Variants in AOPEP observed in about 807,000 individuals in gnomAD.
The protein encoded by AOPEP is aminopeptidase O (putative).
A neutral mutation model predicts 98.1 loss-of-function variants in AOPEP; 77 were observed. The ratio of observed to expected loss-of-function variants is 0.78; its 90% CI spans 0.65 to 0.95. AOPEP has a LOEUF of 0.95. Ranked by LOEUF, AOPEP falls within the 40% of genes least tolerant of loss-of-function variation. AOPEP has a pLI of 0.00. For synonymous variants in AOPEP, 346 were observed against 365.3 expected, an observed-to-expected ratio of 0.95 and a Z score of 0.60; for missense variants, 1,024 against 1,024.7, an observed-to-expected ratio of 1.00 and a Z score of 0.01.
chr9:94,963,376 T>C (rs1252432932), intron 9 of AOPEP, among the ~76,000 whole-genome samples: 1 of 152,162 alleles, frequency 6.6e-6, no homozygotes, highest in African/African-American at 2.4e-5. Flanking sequence ...TGTTAGTTTT[T>C]CAAAAATGTG....
intron 9 of AOPEP, among the ~76,000 whole-genome samples, chr9:94,965,950 AG>A (rs2059169193): frequency 3.3e-5 from 5 of 149,504 alleles, no homozygotes; most frequent in African/African-American, 1.2e-4. Flanking sequence ...TCCTGTGTAG[AG>A]TCTGTATTTG....
chr9:95,112,069 G>T, the AOPEP span, among the ~76,000 whole-genome samples: 1 of 152,218 alleles, frequency 6.6e-6, no homozygotes, highest in Non-Finnish European at 1.5e-5. Flanking sequence ...AGTTCAGGTG[G>T]ATATTTCAGC....
At chr9:95,044,303 G>C (rs2065631508) in intron 13 of AOPEP, among the ~76,000 whole-genome samples, 2 of 151,704 alleles carry the variant, frequency 1.3e-5, no homozygotes, top group Admixed American at 1.3e-4. Flanking sequence ...AAGAATCACT[G>C]CTAATGGGCA....
intron 14 of AOPEP, among the ~76,000 whole-genome samples, chr9:95,080,231 T>C (rs2069584640): frequency 6.6e-6 from 1 of 152,264 alleles, no homozygotes; most frequent in Admixed American, 6.5e-5. Context: ...GTGGTTTCTT[T>C]CTTTAAAAAG....
Position 94,988,387 on chromosome 9 carries a change from G to A in AOPEP, c.1977+8960G>A, listed in dbSNP as rs149225115. The stretch of plus-strand genomic sequence containing the variant: ...GTACATTTTTTCAGTGAGCACAGAG[G>A]AAGGCATATGAGGATGGCTTTCTCA... On this transcript the variant is annotated intron_variant, in intron 11 of 16. Transcript: ENST00000375315. Among the ~76,000 whole-genome samples, 10 of 152,270 alleles carry A rather than the reference G, an allele frequency of 6.6e-5. No homozygotes were observed. The East Asian group carries it at 1.9e-3, about 29-fold the overall frequency.
intron 7 of AOPEP, among the ~76,000 whole-genome samples, chr9:94,952,139 T>G (rs1239814837): frequency 6.6e-6 from 1 of 152,232 alleles, no homozygotes; most frequent in Non-Finnish European, 1.5e-5. Flanking sequence ...TTTGCATTGG[T>G]CCTCAGGTGC....
At chr9:94,752,268 T>A (rs2132251380) in intron 1 of AOPEP, among the ~76,000 whole-genome samples, 1 of 152,164 alleles carries the variant, frequency 6.6e-6, no homozygotes, top group South Asian at 2.1e-4. Context: ...TTCTGGCCAA[T>A]GTGATCAACT....
chr9:95,045,839 G>C (rs577142929), intron 13 of AOPEP, among the ~76,000 whole-genome samples: 1 of 152,336 alleles, frequency 6.6e-6, no homozygotes, highest in East Asian at 1.9e-4. Flanking sequence ...GAGGGGAGCA[G>C]TACCAGTAGA....
chr9:94,857,355 C>T (rs1254286958), intron 5 of AOPEP, among the ~76,000 whole-genome samples: 1 of 152,142 alleles, frequency 6.6e-6, no homozygotes, highest in African/African-American at 2.4e-5. Context: ...ACTGCAGAGC[C>T]ATATTGACAA....
chr9:94,865,040 TG>T (rs1302515067), intron 5 of AOPEP, among the ~76,000 whole-genome samples: 1 of 152,236 alleles, frequency 6.6e-6, no homozygotes, highest in African/African-American at 2.4e-5. Context: ...AATTTTCTAG[TG>T]TCTAACACTA....
intron 13 of AOPEP, among the ~76,000 whole-genome samples, chr9:95,027,763 CATTAGAACATGGCA>C (rs1393926291): frequency 2.8e-4 from 43 of 152,220 alleles, no homozygotes; most frequent in Non-Finnish European, 2.9e-5. Context: ...TTTATCACAT[CATTAGAACATGGCA>C]GGGGTTACTA....
chr9:95,062,078 C>T (rs749875888), intron 14 of AOPEP, among the ~76,000 whole-genome samples: 8 of 152,166 alleles, frequency 5.3e-5, no homozygotes, highest in Non-Finnish European at 1.2e-4. Context: ...ACTTGATGTC[C>T]GGAAACCATG....
chr9:94,765,480 A>ATAAT (rs55778359), intron 2 of AOPEP, among the ~76,000 whole-genome samples: 1 of 148,272 alleles, frequency 6.7e-6, no homozygotes, highest in African/African-American at 2.5e-5. Flanking sequence ...AATAATAATA[A>ATAAT]GTCACAGCTA....
At chr9:95,008,351 C>A (rs1421796670) in intron 13 of AOPEP, among the ~76,000 whole-genome samples, 1 of 152,098 alleles carries the variant, frequency 6.6e-6, no homozygotes. Context: ...TTTTTCCTGC[C>A]GTGTGGAAAG....
chr9:95,084,839 A>AG, intron 16 of AOPEP, among the ~76,000 whole-genome samples: 1 of 152,166 alleles, frequency 6.6e-6, no homozygotes, highest in South Asian at 2.1e-4. Flanking sequence ...CCCTTCCAGC[A>AG]GGGGGACCTC....
intron 5 of AOPEP, among the ~76,000 whole-genome samples, chr9:94,872,258 G>T (rs1336362657): frequency 2.6e-5 from 4 of 152,142 alleles, no homozygotes; most frequent in African/African-American, 9.7e-5. Flanking sequence ...CTAAACGGGG[G>T]CAGTAGTCAT....
intron 5 of AOPEP, among the ~76,000 whole-genome samples, chr9:94,866,368 A>G (rs558556308): frequency 6.6e-6 from 1 of 152,352 alleles, no homozygotes; most frequent in African/African-American, 2.4e-5. Context: ...TTCCAGCCCT[A>G]ATCCTATTAA....
downstream of AOPEP, among the ~76,000 whole-genome samples, chr9:95,091,572 G>A (rs990431313): frequency 5.3e-5 from 8 of 152,136 alleles, no homozygotes; most frequent in Admixed American, 5.2e-4. Context: ...GGGCTGCCTG[G>A]ACCTCCCAGG....
intron 13 of AOPEP, among the ~76,000 whole-genome samples, chr9:95,031,253 A>G (rs2064272506): frequency 6.6e-6 from 1 of 152,212 alleles, no homozygotes; most frequent in Non-Finnish European, 1.5e-5. Context: ...TGCATTTACC[A>G]GTATGTATTT....
Sources: allele counts gnomAD v4.1 joint callset (sites outside exome capture counted in the v4.1 genomes callset), GRCh38; gene constraint gnomAD v4.1.1; transcripts MANE v1.5; gene names NCBI Gene and HGNC (gene_info 2026-07-23, HGNC 2026-07-21).